The following TANC1 variants were observed in gnomAD, a reference collection of about 807,000 sequenced individuals.
TANC1 encodes the protein protein TANC1.
Under a neutral mutation model 149.7 loss-of-function variants are expected in TANC1, and 77 were observed. The ratio of observed to expected loss-of-function variants is 0.51; its 90% CI spans 0.43 to 0.62. The LOEUF is 0.62. Among genes scored for constraint, TANC1 ranks in the 20% least tolerant of loss-of-function variants. The pLI, the probability that TANC1 is intolerant of heterozygous loss-of-function variation, is 0.00. For synonymous variants in TANC1, 854 were observed against 925.0 expected (o/e 0.92, Z 1.39); for missense variants, 1,985 against 2,321.8 (o/e 0.85, Z 2.98).
chr2:159,005,226 TG>T (rs1439122063), intron 2 of TANC1, among the ~76,000 whole-genome samples: 3 of 152,224 alleles, frequency 2.0e-5, no homozygotes, highest in Non-Finnish European at 4.4e-5. Context: ...TGGTCAGTTT[TG>T]GGGCCAGTTT....
chr2:159,186,388 C>T lies in TANC1; in HGVS notation c.2619+489C>T, dbSNP rs187123157. 3.2e-3 allele frequency among the ~76,000 whole-genome samples: 492 copies of T among 152,328 alleles called. 3 individuals carry two copies. Among genetic ancestry groups the T allele is most frequent in the African/African-American group, 0.011 (462 of 41,576 alleles). ...CCAAGTAACTGGGACTATAGGCACG[C>T]TCCACCTTGCAGGGCTCAGATGGTG... On this transcript the variant is annotated intron_variant, in intron 15 of 26. Coordinates refer to ENST00000263635, the MANE Select transcript of TANC1 (RefSeq NM_033394.3).
chr2:159,029,946 C>T (rs1467736245), intron 2 of TANC1, among the ~76,000 whole-genome samples: 1 of 152,278 alleles, frequency 6.6e-6, no homozygotes, highest in Non-Finnish European at 1.5e-5. Flanking sequence ...GCTTTGACCT[C>T]CCAAAGTGCT....
Position 159,174,949 on chromosome 2 carries a change from C to CGTGG in TANC1, c.1504-4_1504-3insGTGG. On this transcript the variant is annotated splice_polypyrimidine_tract_variant and splice_region_variant and intron_variant, in intron 11 of 26. Coordinates refer to ENST00000263635, the MANE Select transcript of TANC1 (RefSeq NM_033394.3). ...GTGATGCTGACGGTTCTGCTTCCCC[C>CGTGG]TAGGTGGTGGCCTACCACTACTGCC... 6.2e-7 allele frequency: 1 copy of CGTGG among 1,613,050 alleles called. No individual in the cohort carries two copies. Among genetic ancestry groups the CGTGG allele is most frequent in the Non-Finnish European group, 8.5e-7 (1 of 1,179,334 alleles).
chr2:159,061,856 C>T (rs967495438), intron 2 of TANC1, among the ~76,000 whole-genome samples: 1 of 152,186 alleles, frequency 6.6e-6, no homozygotes, highest in South Asian at 2.1e-4. Flanking sequence ...CTTTGTTCTA[C>T]TTGCTGTCAT....
rs371748384 is a variant in TANC1 at position 159,159,691 on chromosome 2, CGTGTGT to C, written c.683-3570_683-3565del. Among the ~76,000 whole-genome samples the C allele has an allele frequency of 5.9e-5, 7 of 118,040 alleles. No homozygotes were observed. The South Asian group carries it at 9.0e-4, about 15-fold the overall frequency. 77.4% of individuals were successfully genotyped at this position (118,040 alleles called of 152,430 possible). On this transcript the variant is annotated intron_variant, in intron 7 of 26. Transcript: ENST00000263635. ...ATACCACTAATTGTGCATACACATACGTGTGTGTGTGTGTGTGTGTGTGTGTGAGAG... is the reference window on the plus strand; with the variant it reads ...ATACCACTAATTGTGCATACACATACGTGTGTGTGTGTGTGTGTGTGAGAG...
At chr2:158,983,029 G>A (rs914663132) in intron 1 of TANC1, among the ~76,000 whole-genome samples, 5 of 152,160 alleles carry the variant, frequency 3.3e-5, no homozygotes, top group South Asian at 2.1e-4. Flanking sequence ...TACAGAAGTC[G>A]AGATAAGTTC....
At chr2:159,036,503 TC>T (rs1314286101) in intron 2 of TANC1, among the ~76,000 whole-genome samples, 1 of 151,816 alleles carries the variant, frequency 6.6e-6, no homozygotes, top group Non-Finnish European at 1.5e-5. Flanking sequence ...ATGCCATCCC[TC>T]CCCCATCCTC....
Position 159,230,852 on chromosome 2 carries a change from A to C in TANC1, c.5426A>C (p.Gln1809Pro), listed in dbSNP as rs1471751886. ...AAGGAGCTAGAAGAAAGCAAGTGCC[A>C]AATTCCAGTCCACTCTCAAGAGAAC... ...QVKELEESKC[Q>P]IPVHSQENRI... The change falls in exon 27 of 27, where the codon CAA becomes CCA. Residue 1809 changes from glutamine (Q) to proline (P), a missense_variant. Gln to Pro is a moderately conservative substitution (Grantham distance 76). This residue lies in a region of TANC1 where 920 missense variants were observed against 994.7 expected (regional missense o/e 0.92). Coordinates refer to ENST00000263635, the MANE Select transcript of TANC1 (RefSeq NM_033394.3). The surrounding 1 kb of genome is among the most constrained non-coding windows in gnomAD (Gnocchi z 4.4). 1 of 1,614,122 alleles carries C rather than the reference A, an allele frequency of 6.2e-7. No individual in the cohort carries two copies. Among genetic ancestry groups the C allele is most frequent in the Non-Finnish European group, 8.5e-7 (1 of 1,180,048 alleles).
intron 20 of TANC1, among the ~76,000 whole-genome samples, chr2:159,218,066 G>GT (rs1455762933): frequency 2.2e-5 from 3 of 133,768 alleles, no homozygotes; most frequent in African/African-American, 8.6e-5. Flanking sequence ...TTTTTTGTTT[G>GT]TTTTTGGTTT....
chr2:159,129,305 T>C lies in TANC1; in HGVS notation c.260-6889T>C, dbSNP rs545160370. Among the ~76,000 whole-genome samples the C allele has an allele frequency of 4.6e-5, 7 of 152,344 alleles. No individual in the cohort carries two copies. The South Asian group carries it at 1.5e-3, about 32-fold the overall frequency. Reference sequence around the variant, plus strand: ...GTTTGGTTTATTTCTACCATCTCTTTTAAAAAATACTCCTTATGTGGCAGT... The same window carrying C: ...GTTTGGTTTATTTCTACCATCTCTTCTAAAAAATACTCCTTATGTGGCAGT... On this transcript the variant is annotated intron_variant, in intron 4 of 26. Coordinates refer to ENST00000263635, the MANE Select transcript of TANC1 (RefSeq NM_033394.3).
chr2:159,004,885 C>T (rs989237682), intron 2 of TANC1, among the ~76,000 whole-genome samples: 1 of 152,044 alleles, frequency 6.6e-6, no homozygotes, highest in African/African-American at 2.4e-5. Context: ...GAGCTGAGAG[C>T]CCTGAACAGT....
At chr2:159,107,135 C>T (rs1000412941) in intron 4 of TANC1, among the ~76,000 whole-genome samples, 5 of 152,162 alleles carry the variant, frequency 3.3e-5, no homozygotes, top group African/African-American at 1.2e-4. Flanking sequence ...TCAAGCGATT[C>T]TCCTGTCTCA....
intron 1 of TANC1, among the ~76,000 whole-genome samples, chr2:158,988,077 C>G (rs1006056420): frequency 7.9e-5 from 12 of 151,924 alleles, no homozygotes; most frequent in African/African-American, 2.9e-4. Context: ...AATCCCAGCA[C>G]TTTGGGAGGC....
chr2:159,218,332 T>C (rs751917029), intron 20 of TANC1, among the ~76,000 whole-genome samples: 3 of 152,212 alleles, frequency 2.0e-5, no homozygotes, highest in Non-Finnish European at 2.9e-5. Context: ...CTGTGAGTGC[T>C]TCCTGGCAGG....
chr2:159,172,411 A>G lies in TANC1; in HGVS notation c.1503+139A>G, dbSNP rs1441842100. On this transcript the variant is annotated intron_variant, in intron 11 of 26. Transcript: ENST00000263635. Reference sequence around the variant, plus strand: ...GTATAGCTTTTAATGAAATAGTGATACAGTTCTCCAAGTAAAAGTGTGAAT... The same window carrying G: ...GTATAGCTTTTAATGAAATAGTGATGCAGTTCTCCAAGTAAAAGTGTGAAT... 3 of 794,382 alleles carry G rather than the reference A, an allele frequency of 3.8e-6. No homozygotes were observed. In the Admixed American group the frequency reaches 8.7e-5, roughly 23 times the overall value. 49.2% of individuals were successfully genotyped at this position (794,382 alleles called of 1,614,324 possible).
intron 5 of TANC1, 54 bp from the exon 6 acceptor site, chr2:159,149,088 C>T (rs182658592): frequency 1.4e-5 from 21 of 1,526,878 alleles, no homozygotes; most frequent in East Asian, 1.1e-4. Context: ...CATCCAGATG[C>T]GATACTGAAA....
chr2:159,112,206 T>C (rs942045210), intron 4 of TANC1, among the ~76,000 whole-genome samples: 4 of 152,196 alleles, frequency 2.6e-5, no homozygotes, highest in Admixed American at 2.0e-4. Flanking sequence ...ATGCAAAATA[T>C]TCTCAGTAAG....
At chr2:159,192,409 A>G (rs570081981) in intron 16 of TANC1, among the ~76,000 whole-genome samples, 115 of 152,130 alleles carry the variant, frequency 7.6e-4, no homozygotes, top group African/African-American at 2.5e-3. Flanking sequence ...TCAGCCTCCT[A>G]ACATACTGGG....
intron 11 of TANC1, among the ~76,000 whole-genome samples, chr2:159,174,500 G>A (rs1032970530): frequency 5.3e-5 from 8 of 152,056 alleles, no homozygotes; most frequent in Non-Finnish European, 7.4e-5. Flanking sequence ...CTACAGCCCC[G>A]GTCTCACAGC....
Sources: allele counts gnomAD v4.1 joint callset (sites outside exome capture counted in the v4.1 genomes callset), GRCh38; gene constraint gnomAD v4.1.1; regional missense constraint gnomAD v4.1.1; non-coding constraint Gnocchi (gnomAD v3.1); transcripts MANE v1.5; gene names NCBI Gene and HGNC (gene_info 2026-07-23, HGNC 2026-07-21).